Variants in CDK5 observed in about 807,000 individuals in gnomAD.
The protein encoded by CDK5 is cyclin-dependent kinase 5.
In CDK5, 18 loss-of-function variants were observed where a neutral mutation model predicts 44.6. The ratio of observed to expected loss-of-function variants is 0.40; its 90% CI spans 0.28 to 0.60. The LOEUF is 0.60. Among genes scored for constraint, CDK5 ranks in the 20% least tolerant of loss-of-function variants. The probability of loss-of-function intolerance (pLI) is 0.38; values close to 1 mark genes in which losing one functional copy is unlikely to be tolerated. For synonymous variants in CDK5, 143 were observed against 152.8 expected (o/e 0.94, Z 0.47); for missense variants, 198 against 368.1 (o/e 0.54, Z 3.78).
rs1294568028 is a variant in CDK5, at chr7:151,054,575, C to G, written c.651-110G>C. On this transcript the variant is annotated intron_variant, in intron 9 of 11. Transcript: ENST00000485972. The surrounding 1 kb of genome is among the most constrained non-coding windows in gnomAD (Gnocchi z 5.7). ...AGGGATTCCTCATACCCACCGCCCA[C>G]TTCTCACCCTCCCTTTACCCTCCGG... is the stretch of plus-strand genomic sequence containing the variant. 9.8e-7 allele frequency: 1 copy of G among 1,024,038 alleles called. No individual in the cohort carries two copies. Among genetic ancestry groups the G allele is most frequent in the Non-Finnish European group, 1.4e-6 (1 of 697,830 alleles). The allele number at this position is 1,024,038 out of a possible 1,614,324, so 63.4% of individuals were successfully genotyped here.
chr7:151,056,911 A>G lies in CDK5; in HGVS notation c.191T>C (p.Val64Ala). ...GGAGCACCCGCCTCCCGCACACCTG[A>G]CGATGTTCTTGTGCTTCAGCTCCTT... is the stretch of plus-strand genomic sequence containing the variant. ...LLKELKHKNI[V>A]RLHDVLHSDK... Residue 64 changes from valine to alanine, a missense_variant, in exon 3 of 12, where the codon GTC (valine) becomes GCC (alanine). Val to Ala is a moderately conservative substitution (Grantham distance 64). Transcript: ENST00000485972. This position sits in a 1 kb window ranked among gnomAD's most constrained non-coding sequence, Gnocchi z 4.7. The G allele has an allele frequency of 6.2e-7, 1 of 1,610,420 alleles. No homozygotes were observed. Among genetic ancestry groups the G allele is most frequent in the Non-Finnish European group, 8.5e-7 (1 of 1,178,360 alleles).
rs770442459 is a variant in CDK5, at chr7:151,055,027, C to T, written c.650G>A (p.Arg217Gln). The T allele has an allele frequency of 1.9e-6, 3 of 1,613,646 alleles. No homozygotes were observed. The highest frequency in any genetic ancestry group is 2.5e-6 in the Non-Finnish European group (3 of 1,179,792). ...DVDDQLKRIF[R>Q]LLGTPTEEQW... ...TCAAGGCAGAGGAAAGCAAGGATAT[C>T]GGAAGATCCTCTTCAACTGGTCATC... Residue 217 changes from arginine to glutamine, a missense_variant and splice_region_variant, in exon 9 of 12, where the codon CGA (arginine) becomes CAA (glutamine). By Grantham distance (43) the Arg-to-Gln change is conservative (BLOSUM62 1). Around this residue, in one of 4 missense-constraint regions of CDK5, gnomAD observed 81 missense variants for 102.1 expected, o/e 0.79. Transcript: ENST00000485972.
At position 151,057,247 on chromosome 7, in the gene CDK5, G is replaced by T; in HGVS notation, c.38-87C>A. ...GCCTCCTGAGAGAGGTGAAGGCAGC[G>T]TCTCAGTATGCAAGGGAAGGGATTC... On this transcript the variant is annotated intron_variant, in intron 1 of 11. Coordinates refer to ENST00000485972, the MANE Select transcript of CDK5 (RefSeq NM_004935.4). This position sits in a 1 kb window ranked among gnomAD's most constrained non-coding sequence, Gnocchi z 5.2. The T allele has an allele frequency of 1.0e-6, 1 of 991,336 alleles. No homozygotes were observed. Among genetic ancestry groups the T allele is most frequent in the Non-Finnish European group, 1.6e-6 (1 of 612,610 alleles). The allele number at this position is 991,336 out of a possible 1,614,324, so 61.4% of individuals were successfully genotyped here.
intron 5 of CDK5, 92 bp from the exon 6 acceptor site, chr7:151,055,940 C>T: frequency 2.5e-6 from 2 of 797,578 alleles, no homozygotes; most frequent in Non-Finnish European, 4.3e-6. Context: ...CTGTGCTTCG[C>T]TCCACCCCAC....
intron 8 of CDK5, 28 bp from the exon 9 acceptor site, chr7:151,055,124 T>C (rs753931050): frequency 6.2e-7 from 1 of 1,602,532 alleles, no homozygotes; most frequent in Non-Finnish European, 8.5e-7. Flanking sequence ...GGCTAAGATG[T>C]GACATGTGAA....
chr7:151,053,908 C>T lies in CDK5; in HGVS notation c.*101G>A. ...CACCCCACCCCGGCTGGGCCCAGCA[C>T]TGCTGGAGCACAGCGCACCAGGCAC... On this transcript the variant is annotated 3_prime_UTR_variant, in exon 12 of 12. Transcript: ENST00000485972. 1 of 1,037,954 alleles carries T rather than the reference C, an allele frequency of 9.6e-7. No homozygotes were observed. 64.3% of individuals were successfully genotyped at this position (1,037,954 alleles called of 1,614,324 possible). A position where few individuals can be genotyped will look rare whatever the true frequency, so the allele number is the denominator to read the frequency against.
rs551975005 is a variant in CDK5 at position 151,056,896 on chromosome 7, C to T, written c.194+12G>A. 1,318 of 1,604,204 alleles carry T rather than the reference C, an allele frequency of 8.2e-4. 25 individuals carry two copies. The South Asian group carries it at 0.014, about 17-fold the overall frequency. On this transcript the variant is annotated intron_variant, in intron 3 of 11. Coordinates refer to ENST00000485972, the MANE Select transcript of CDK5 (RefSeq NM_004935.4). This position sits in a 1 kb window ranked among gnomAD's most constrained non-coding sequence, Gnocchi z 4.7. The stretch of plus-strand genomic sequence containing the variant: ...CGGCCACACCGGCAAGGAGCACCCG[C>T]CTCCCGCACACCTGACGATGTTCTT...
At position 151,055,746 on chromosome 7, in the gene CDK5, G is replaced by A. The variant is rs778524903; in HGVS notation, c.408+7C>T. 3.1e-6 allele frequency: 5 copies of A among 1,603,544 alleles called. 1 individual carries two copies. In the Middle Eastern group the frequency reaches 8.4e-4, roughly 269 times the overall value. Reference sequence around the variant, plus strand: ...TCTCCATTCCCCACCTTCTTCCCAAGAAGTACCCTGTTTATTAGCAGGTTC... The same window carrying A: ...TCTCCATTCCCCACCTTCTTCCCAAAAAGTACCCTGTTTATTAGCAGGTTC... On this transcript the variant is annotated splice_region_variant and intron_variant, in intron 6 of 11. Transcript: ENST00000485972.
rs766731629 is a variant in CDK5, at chr7:151,057,881, G to C, written c.-33C>G. ...GCCGCGGGGACCCCTGCGGGCCCTC[G>C]GTTTTAAGACTCTGGCCCCGGCGTT... On this transcript the variant is annotated 5_prime_UTR_variant, in exon 1 of 12. Coordinates refer to ENST00000485972, the MANE Select transcript of CDK5 (RefSeq NM_004935.4). This position sits in a 1 kb window ranked among gnomAD's most constrained non-coding sequence, Gnocchi z 5.2. The C allele has an allele frequency of 1.3e-6, 2 of 1,593,484 alleles. No individual in the cohort carries two copies. Among genetic ancestry groups the C allele is most frequent in the Non-Finnish European group, 1.7e-6 (2 of 1,170,384 alleles).
chr7:151,055,219 C>T (rs769584607), intron 8 of CDK5, 58 bp downstream of exon 8: 2 of 1,571,578 alleles, frequency 1.3e-6, no homozygotes, highest in South Asian at 1.1e-5. Flanking sequence ...ACCCTCCAGA[C>T]CCTATTTGTC....
Position 151,057,310 on chromosome 7 carries a change from T to C in CDK5, c.38-150A>G. 1.4e-6 allele frequency: 1 copy of C among 715,250 alleles called. No homozygotes were observed. Among genetic ancestry groups the C allele is most frequent in the South Asian group, 1.6e-5 (1 of 64,050 alleles). 44.3% of individuals were successfully genotyped at this position (715,250 alleles called of 1,614,324 possible). On this transcript the variant is annotated intron_variant, in intron 1 of 11. Transcript: ENST00000485972. This position sits in a 1 kb window ranked among gnomAD's most constrained non-coding sequence, Gnocchi z 5.2. ...GGTTGGTGAGCTTTGTGAGTGAGGATGTGGCAGGTGGGGAGGGAGGAGAAG... is the reference window on the plus strand; with the variant it reads ...GGTTGGTGAGCTTTGTGAGTGAGGACGTGGCAGGTGGGGAGGGAGGAGAAG...
At position 151,057,322 on chromosome 7, in the gene CDK5, G is replaced by A; in HGVS notation, c.38-162C>T. 1.5e-6 allele frequency: 1 copy of A among 682,954 alleles called. No homozygotes were observed. Among genetic ancestry groups the A allele is most frequent in the Non-Finnish European group, 2.6e-6 (1 of 378,120 alleles). 42.3% of individuals were successfully genotyped at this position (682,954 alleles called of 1,614,324 possible). On this transcript the variant is annotated intron_variant, in intron 1 of 11. Coordinates refer to ENST00000485972, the MANE Select transcript of CDK5 (RefSeq NM_004935.4). This position sits in a 1 kb window ranked among gnomAD's most constrained non-coding sequence, Gnocchi z 5.2. ...TTGTGAGTGAGGATGTGGCAGGTGG[G>A]GAGGGAGGAGAAGGTGCCCACCGAG...
At position 151,056,015 on chromosome 7, in the gene CDK5, G is replaced by T. The variant is rs1469445005; in HGVS notation, c.313-167C>A. On this transcript the variant is annotated intron_variant, in intron 5 of 11. Coordinates refer to ENST00000485972, the MANE Select transcript of CDK5 (RefSeq NM_004935.4). This position sits in a 1 kb window ranked among gnomAD's most constrained non-coding sequence, Gnocchi z 4.7. Reference sequence around the variant, plus strand: ...CGCCATCCAGGACCTGCTTTATACTGTGCTAGGCATTAGAGGGACCAAAGT... The same window carrying T: ...CGCCATCCAGGACCTGCTTTATACTTTGCTAGGCATTAGAGGGACCAAAGT... 7 of 620,330 alleles carry T rather than the reference G, an allele frequency of 1.1e-5. No homozygotes were observed. The highest frequency in any genetic ancestry group is 1.7e-5 in the Non-Finnish European group (6 of 343,934). 38.4% of individuals were successfully genotyped at this position (620,330 alleles called of 1,614,324 possible).
Position 151,056,118 on chromosome 7 carries a change from C to T in CDK5, c.313-270G>A. ...TTGGCAGGTGGATCCTAGATCCGGCCTAGATCCCAGCCCATGCTGATCTTC... is the reference window on the plus strand; with the variant it reads ...TTGGCAGGTGGATCCTAGATCCGGCTTAGATCCCAGCCCATGCTGATCTTC... On this transcript the variant is annotated intron_variant, in intron 5 of 11. Transcript: ENST00000485972. The surrounding 1 kb of genome is among the most constrained non-coding windows in gnomAD (Gnocchi z 4.7). The T allele has an allele frequency of 1.8e-6, 1 of 547,254 alleles. No individual in the cohort carries two copies. The highest frequency in any genetic ancestry group is 2.4e-5 in the South Asian group (1 of 41,086). 33.9% of individuals were successfully genotyped at this position (547,254 alleles called of 1,614,324 possible).
Position 151,054,454 on chromosome 7 carries a change from G to A in CDK5, c.662C>T (p.Thr221Met), listed in dbSNP as rs369223059. The A allele has an allele frequency of 3.7e-5, 59 of 1,612,680 alleles. No individual in the cohort carries two copies. Among genetic ancestry groups the A allele is most frequent in the South Asian group, 5.5e-5 (5 of 90,936 alleles). Reference sequence around the variant, plus strand: ...AGAGGGCCACTGCTCCTCGGTGGGCGTCCCCAGCAGTGTGTCCACGGAGTC... The same window carrying A: ...AGAGGGCCACTGCTCCTCGGTGGGCATCCCCAGCAGTGTGTCCACGGAGTC... ...QLKRIFRLLG[T>M]PTEEQWPSMT... The change falls in exon 10 of 12, where the codon ACG (threonine) becomes ATG (methionine). Residue 221 changes from threonine to methionine, a missense_variant. Physicochemically the swap from Thr to Met is moderately conservative, Grantham distance 81. Transcript: ENST00000485972. This position sits in a 1 kb window ranked among gnomAD's most constrained non-coding sequence, Gnocchi z 5.7.
Position 151,055,115 on chromosome 7 carries a change from G to T in CDK5, c.581-19C>A, listed in dbSNP as rs756343351. On this transcript the variant is annotated intron_variant, in intron 8 of 11. Transcript: ENST00000485972. ...GCCAGCTCTGGGGGATAGACAGGGG[G>T]CTAAGATGTGACATGTGAAGGACCC... The T allele has an allele frequency of 1.2e-6, 2 of 1,606,034 alleles. No individual in the cohort carries two copies. Among genetic ancestry groups the T allele is most frequent in the Admixed American group, 3.4e-5 (2 of 59,404 alleles).
In CDK5 at chr7:151,057,170, G is replaced by A. The variant is rs767800064; in HGVS notation, c.38-10C>T. ...ACAGTTCCGTAGGTGCCTAGGGGAA[G>A]GAGGTCAGGGGTCAGGGTGAGGATG... On this transcript the variant is annotated splice_polypyrimidine_tract_variant and intron_variant, in intron 1 of 11. Coordinates refer to ENST00000485972, the MANE Select transcript of CDK5 (RefSeq NM_004935.4). The surrounding 1 kb of genome is among the most constrained non-coding windows in gnomAD (Gnocchi z 5.2). 1 of 1,607,820 alleles carries A rather than the reference G, an allele frequency of 6.2e-7. No homozygotes were observed. The highest frequency in any genetic ancestry group is 1.1e-5 in the South Asian group (1 of 90,948).
Position 151,056,496 on chromosome 7 carries a change from C to T in CDK5, c.312+84G>A, listed in dbSNP as rs1796896640. On this transcript the variant is annotated intron_variant, in intron 5 of 11. Transcript: ENST00000485972. The surrounding 1 kb of genome is among the most constrained non-coding windows in gnomAD (Gnocchi z 4.7). Reference sequence around the variant, plus strand: ...ACCCTAGAGTGTCCCTGTTCAGGGCCCAAACTTAGAGCCCAAGGGGTGCTT... The same window carrying T: ...ACCCTAGAGTGTCCCTGTTCAGGGCTCAAACTTAGAGCCCAAGGGGTGCTT... 2 of 1,256,826 alleles carry T rather than the reference C, an allele frequency of 1.6e-6. No individual in the cohort carries two copies. The highest frequency in any genetic ancestry group is 2.4e-5 in the East Asian group (1 of 41,548). 77.9% of individuals were successfully genotyped at this position (1,256,826 alleles called of 1,614,324 possible).
chr7:151,056,667 C>A lies in CDK5; in HGVS notation c.256-31G>T, dbSNP rs2069451. ...AAGGGATATGAGTGGGGGAATGGGA[C>A]AGAGTTTAACCTCAATCTGGGCCCC... On this transcript the variant is annotated intron_variant, in intron 4 of 11. Coordinates refer to ENST00000485972, the MANE Select transcript of CDK5 (RefSeq NM_004935.4). This position sits in a 1 kb window ranked among gnomAD's most constrained non-coding sequence, Gnocchi z 4.7. 3.0e-4 allele frequency: 490 copies of A among 1,611,790 alleles called. 2 individuals are homozygous for A. In the African/African-American group the frequency reaches 5.6e-3, roughly 19 times the overall value.
Sources: allele counts gnomAD v4.1 joint callset, GRCh38; gene constraint gnomAD v4.1.1; regional missense constraint gnomAD v4.1.1; non-coding constraint Gnocchi (gnomAD v3.1); transcripts MANE v1.5; gene names NCBI Gene and HGNC (gene_info 2026-07-23, HGNC 2026-07-21).